The following TNFSF8 variants were observed in gnomAD, a reference collection of about 807,000 sequenced individuals.
TNFSF8 encodes the protein TNF superfamily member 8, also known as tumor necrosis factor ligand superfamily member 8.
A neutral mutation model predicts 22.0 loss-of-function variants in TNFSF8; 4 were observed. The observed-to-expected ratio is 0.18, with a 90% CI of 0.09 to 0.42. The LOEUF is 0.42. TNFSF8 is among the 10% of genes least tolerant of loss of function. TNFSF8 has a pLI of 1.00. For missense variants in TNFSF8, 233 were observed against 281.8 expected (o/e 0.83, Z 1.24); for synonymous variants, 106 against 112.5 (o/e 0.94, Z 0.37).
intron 2 of TNFSF8, among the ~76,000 whole-genome samples, chr9:114,909,889 G>T (rs930387121): frequency 2.6e-5 from 4 of 152,214 alleles, no homozygotes; most frequent in Non-Finnish European, 4.4e-5. Flanking sequence ...AAAGTTCCCT[G>T]AGATGGCCTG....
Position 114,901,960 on chromosome 9 carries a change from T to C in TNFSF8, c.*1971A>G. 2 of 985,264 alleles carry C rather than the reference T, an allele frequency of 2.0e-6. No homozygotes were observed. Among genetic ancestry groups the C allele is most frequent in the Non-Finnish European group, 2.4e-6 (2 of 829,784 alleles). 61.0% of individuals were successfully genotyped at this position (985,264 alleles called of 1,614,324 possible). ...TTTAAATCTTTTCTAGCTTTCCTTC[T>C]GACAAACTTTGCTGGAGTCCTACTC... On this transcript the variant is annotated 3_prime_UTR_variant, in exon 4 of 4. Transcript: ENST00000223795.
intron 1 of TNFSF8, among the ~76,000 whole-genome samples, chr9:114,928,136 C>T (rs764162083): frequency 2.0e-5 from 3 of 152,148 alleles, no homozygotes; most frequent in African/African-American, 4.8e-5. Flanking sequence ...CACAGCACAC[C>T]GCACTGTACA....
At chr9:114,906,355 T>C (rs1474376353) in intron 2 of TNFSF8, among the ~76,000 whole-genome samples, 1 of 152,234 alleles carries the variant, frequency 6.6e-6, no homozygotes, top group South Asian at 2.1e-4. Flanking sequence ...ATAATACTGA[T>C]AGTAAATACT....
chr9:114,906,321 T>C (rs1308846779), intron 2 of TNFSF8, among the ~76,000 whole-genome samples: 1 of 152,230 alleles, frequency 6.6e-6, no homozygotes, highest in Non-Finnish European at 1.5e-5. Flanking sequence ...CGTGGTGCCT[T>C]GCCAGGCAGT....
At chr9:114,898,168 A>C (rs1171339004), downstream of TNFSF8, among the ~76,000 whole-genome samples, 1 of 101,540 alleles carries the variant, frequency 9.8e-6, no homozygotes, top group Non-Finnish European at 1.8e-5. Flanking sequence ...ATGCCCAGCT[A>C]ATTTTTTGTA....
At chr9:114,911,260 C>T (rs1432037541) in intron 2 of TNFSF8, among the ~76,000 whole-genome samples, 2 of 152,200 alleles carry the variant, frequency 1.3e-5, no homozygotes, top group Non-Finnish European at 1.5e-5. Flanking sequence ...GCTGAATCCT[C>T]TTTACATTTG....
Position 114,904,280 on chromosome 9 carries a change from C to T in TNFSF8, c.356G>A (p.Gly119Asp), listed in dbSNP as rs772167635. The change falls in exon 4 of 4, where the codon GGC (glycine) becomes GAC (aspartate). Residue 119 changes from glycine (G) to aspartate (D), a missense_variant. By Grantham distance (94) the Gly-to-Asp change is moderately conservative (BLOSUM62 -1). Transcript: ENST00000223795. ...NKTKLSWNKD[G>D]ILHGVRYQDG... ...CTGATATCTGACTCCATGGAGAATG[C>T]CATCTTTGTTCCAAGACAACTTGGT... 1 of 1,613,282 alleles carries T rather than the reference C, an allele frequency of 6.2e-7. No homozygotes were observed. The highest frequency in any genetic ancestry group is 8.5e-7 in the Non-Finnish European group (1 of 1,179,518).
chr9:114,913,645 A>C (rs996559801), intron 2 of TNFSF8, among the ~76,000 whole-genome samples: 12 of 152,188 alleles, frequency 7.9e-5, no homozygotes, highest in Non-Finnish European at 1.3e-4. Context: ...TCTACAATAC[A>C]ATCCCAGCTA....
chr9:114,917,506 T>C (rs1343873641), intron 2 of TNFSF8, among the ~76,000 whole-genome samples: 1 of 152,242 alleles, frequency 6.6e-6, no homozygotes, highest in Admixed American at 6.5e-5. Context: ...ATCATCTCTC[T>C]GAGGCTAGTA....
rs1335155099 is a variant in TNFSF8 at position 114,930,032 on chromosome 9, A to G, written c.195+77T>C. ...ATTTTGTGCTCTTAACCAACAAACG[A>G]ATATCATTTGTTCCCAGGGCTCTTT... On this transcript the variant is annotated intron_variant, in intron 1 of 3. Transcript: ENST00000223795. The G allele has an allele frequency of 4.1e-6, 5 of 1,207,944 alleles. No individual in the cohort carries two copies. The African/African-American group carries it at 4.7e-5, about 11-fold the overall frequency. The allele number at this position is 1,207,944 out of a possible 1,614,324, so 74.8% of individuals were successfully genotyped here. A position where few individuals can be genotyped will look rare whatever the true frequency, so the allele number is the denominator to read the frequency against.
intron 1 of TNFSF8, among the ~76,000 whole-genome samples, chr9:114,924,962 T>G (rs1158726628): frequency 6.6e-6 from 1 of 152,096 alleles, no homozygotes; most frequent in African/African-American, 2.4e-5. Flanking sequence ...GAATGTCAGG[T>G]GGAGGGAGTA....
At chr9:114,919,401 A>C (rs1339809953) in intron 1 of TNFSF8, among the ~76,000 whole-genome samples, 1 of 152,146 alleles carries the variant, frequency 6.6e-6, no homozygotes, top group Non-Finnish European at 1.5e-5. Context: ...GACTAAAGGG[A>C]GGTTCTAGTT....
intron 2 of TNFSF8, among the ~76,000 whole-genome samples, chr9:114,913,584 C>T (rs1208829902): frequency 6.6e-6 from 1 of 152,134 alleles, no homozygotes. Flanking sequence ...TAGACTTGGC[C>T]AGCAGGTAGG....
At chr9:114,904,451 AATATCTTCC>A in intron 3 of TNFSF8, 126 bp from the exon 4 acceptor site, 1 of 1,334,100 alleles carries the variant, frequency 7.5e-7, no homozygotes, top group Non-Finnish European at 1.0e-6. Context: ...CAATCATCTG[AATATCTTCC>A]ATGTTACTCC....
chr9:114,927,689 A>T (rs1463512051), intron 1 of TNFSF8, among the ~76,000 whole-genome samples: 1 of 152,184 alleles, frequency 6.6e-6, no homozygotes, highest in Non-Finnish European at 1.5e-5. Flanking sequence ...GTGCCTTGGG[A>T]TAAGAATTGT....
chr9:114,909,964 T>C (rs10982448), intron 2 of TNFSF8, among the ~76,000 whole-genome samples: 27,354 of 152,178 alleles, frequency 0.18, 6,397 homozygotes, highest in African/African-American at 0.54. Flanking sequence ...AGGCTGATCC[T>C]AGGTCATCCA....
At chr9:114,929,038 G>T (rs565532927) in intron 1 of TNFSF8, among the ~76,000 whole-genome samples, 70 of 152,292 alleles carry the variant, frequency 4.6e-4, no homozygotes, top group African/African-American at 1.7e-3. Flanking sequence ...GGTCATGTGG[G>T]TGGGTGCAGC....
rs555539102 is a variant in TNFSF8, at chr9:114,904,367, G to A, written c.311-42C>T. 2.3e-5 allele frequency: 35 copies of A among 1,543,450 alleles called. No individual in the cohort carries two copies. The South Asian group carries it at 3.6e-4, about 16-fold the overall frequency. ...AGAAAACAGAATTATTGAGAAGATT[G>A]TAGGTACGCATTGCAAAATTCTAAG... On this transcript the variant is annotated intron_variant, in intron 3 of 3. Coordinates refer to ENST00000223795, the MANE Select transcript of TNFSF8 (RefSeq NM_001244.4).
Position 114,901,611 on chromosome 9 carries a change from G to A in TNFSF8, c.*2320C>T. ...TTTAAGCAAGATTCATTTGTCCTAT[G>A]CAGTTAGTGTGTGACTCAAATGCCA... On this transcript the variant is annotated 3_prime_UTR_variant, in exon 4 of 4. Transcript: ENST00000223795. The A allele has an allele frequency of 1.0e-6, 1 of 985,254 alleles. No individual in the cohort carries two copies. The highest frequency in any genetic ancestry group is 1.2e-6 in the Non-Finnish European group (1 of 829,770). The allele number at this position is 985,254 out of a possible 1,614,324, so 61.0% of individuals were successfully genotyped here.
Sources: gnomAD v4.1 joint callset for allele counts (sites outside exome capture counted in the v4.1 genomes callset) on GRCh38, gnomAD v4.1.1 for gene constraint, MANE v1.5 for transcripts, NCBI Gene and HGNC (gene_info 2026-07-23, HGNC 2026-07-21) for gene names.